Variants in C8orf88 observed in about 807,000 individuals in gnomAD.
C8orf88 encodes chromosome 8 open reading frame 88.
In C8orf88, 14 loss-of-function variants were observed where a neutral mutation model predicts 18.4. That is an observed-to-expected ratio of 0.76 (90% confidence interval 0.50 to 1.19). The LOEUF (loss-of-function observed/expected upper bound fraction) is 1.19. Ranked by LOEUF, C8orf88 falls within the 50% of genes most tolerant of loss-of-function variation. The pLI is 0.00. For synonymous variants in C8orf88, 45 were observed against 42.9 expected, an observed-to-expected ratio of 1.05 and a Z score of -0.19; for missense variants, 116 against 134.7, an observed-to-expected ratio of 0.86 and a Z score of 0.69.
At chr8:90,984,832 G>A (rs1279321885) in intron 1 of C8orf88, among the ~76,000 whole-genome samples, 1 of 152,024 alleles carries the variant, frequency 6.6e-6, no homozygotes, top group African/African-American at 2.4e-5. Context: ...CTCCTTTTTT[G>A]GCGATGGCTT....
Position 90,980,358 on chromosome 8 carries a change from C to T in C8orf88, c.73+5G>A, listed in dbSNP as rs775601812. ...ATTTAAAGAACTGTACAATCTATTACTCACCTGGGGGAGAAGTCAGATGAC... is the reference window on the plus strand; with the variant it reads ...ATTTAAAGAACTGTACAATCTATTATTCACCTGGGGGAGAAGTCAGATGAC... On this transcript the variant is annotated splice_donor_5th_base_variant and intron_variant, in intron 2 of 5. Transcript: ENST00000517562. The T allele has an allele frequency of 2.9e-5, 44 of 1,517,774 alleles. No individual in the cohort carries two copies. Among genetic ancestry groups the T allele is most frequent in the Non-Finnish European group, 3.7e-5 (42 of 1,138,458 alleles). 94.0% of individuals were successfully genotyped at this position (1,517,774 alleles called of 1,614,324 possible).
intron 3 of C8orf88, among the ~76,000 whole-genome samples, chr8:90,976,244 T>C (rs1377537458): frequency 6.6e-6 from 1 of 152,076 alleles, no homozygotes; most frequent in African/African-American, 2.4e-5. Flanking sequence ...TCAAAAGTCA[T>C]TGAACAAATG....
In C8orf88 at chr8:90,980,588, A is replaced by G. The variant is rs1478100693; in HGVS notation, c.-26-127T>C. 3.7e-5 allele frequency: 19 copies of G among 510,236 alleles called. No homozygotes were observed. The South Asian group carries it at 5.2e-4, about 14-fold the overall frequency. The allele number at this position is 510,236 out of a possible 1,614,324, so 31.6% of individuals were successfully genotyped here. On this transcript the variant is annotated intron_variant, in intron 1 of 5. Transcript: ENST00000517562. ...AAGTTAAAGTGGAAAACACAAACAC[A>G]AAAAAGCATTTAATATGCAATACTC...
intron 1 of C8orf88, among the ~76,000 whole-genome samples, chr8:90,983,965 A>G (rs1356181402): frequency 6.6e-6 from 1 of 152,224 alleles, no homozygotes; most frequent in Non-Finnish European, 1.5e-5. Flanking sequence ...GTATATGCTA[A>G]TAATATCCAT....
At chr8:90,970,840 G>T (rs1023673595) in intron 4 of C8orf88, among the ~76,000 whole-genome samples, 1 of 152,006 alleles carries the variant, frequency 6.6e-6, no homozygotes, top group African/African-American at 2.4e-5. Context: ...AATTTTATGT[G>T]ATATAGAAAA....
chr8:90,972,762 T>G lies in C8orf88; in HGVS notation c.148-1621A>C, dbSNP rs79172530. ...CAAAAGTACACAGATAAGAAACAGC[T>G]GAGCTAGGTTTTGAAACTCAAGGCT... is the stretch of plus-strand genomic sequence containing the variant. On this transcript the variant is annotated intron_variant, in intron 3 of 5. Coordinates refer to ENST00000517562, the MANE Select transcript of C8orf88 (RefSeq NM_001190972.2). 9.1e-3 allele frequency among the ~76,000 whole-genome samples: 1,378 copies of G among 152,212 alleles called. 21 individuals are homozygous for G. Among genetic ancestry groups the G allele is most frequent in the African/African-American group, 0.031 (1,291 of 41,554 alleles).
At chr8:90,969,182 A>T (rs182621127) in intron 4 of C8orf88, among the ~76,000 whole-genome samples, 109 of 152,036 alleles carry the variant, frequency 7.2e-4, no homozygotes, top group African/African-American at 2.5e-3. Flanking sequence ...CCACAGCAAT[A>T]TTATTCACAA....
intron 3 of C8orf88, among the ~76,000 whole-genome samples, chr8:90,978,213 T>C (rs965125884): frequency 6.6e-6 from 1 of 152,244 alleles, no homozygotes; most frequent in South Asian, 2.1e-4. Flanking sequence ...AAATCCTATT[T>C]ACATAAAACA....
intron 3 of C8orf88, among the ~76,000 whole-genome samples, chr8:90,975,556 C>G (rs1191141663): frequency 6.6e-6 from 1 of 151,984 alleles, no homozygotes; most frequent in Non-Finnish European, 1.5e-5. Context: ...CCAAATCTCA[C>G]TAAACATTAG....
intron 4 of C8orf88, among the ~76,000 whole-genome samples, chr8:90,962,625 C>A (rs541850544): frequency 6.8e-6 from 1 of 146,812 alleles, no homozygotes; most frequent in Non-Finnish European, 1.5e-5. Flanking sequence ...GACAACAGCC[C>A]TCATTACTTT....
chr8:90,960,953 A>G (rs1811118939), intron 4 of C8orf88, 105 bp from the exon 5 acceptor site: 3 of 560,938 alleles, frequency 5.3e-6, no homozygotes, highest in South Asian at 5.5e-5. Flanking sequence ...ATATAAAATG[A>G]TGAGTCGTGT....
At chr8:90,976,831 T>C (rs968090803) in intron 3 of C8orf88, among the ~76,000 whole-genome samples, 1 of 152,134 alleles carries the variant, frequency 6.6e-6, no homozygotes, top group African/African-American at 2.4e-5. Context: ...CACCTAAATA[T>C]GAAAGCAAAT....
At chr8:90,968,573 A>C (rs1447057036) in intron 4 of C8orf88, among the ~76,000 whole-genome samples, 3 of 149,048 alleles carry the variant, frequency 2.0e-5, no homozygotes, top group Non-Finnish European at 4.5e-5. Context: ...AAAATAGTTA[A>C]AATTCATCGA....
chr8:90,977,983 G>A (rs1563555359), intron 3 of C8orf88, among the ~76,000 whole-genome samples: 1 of 151,960 alleles, frequency 6.6e-6, no homozygotes, highest in Non-Finnish European at 1.5e-5. Context: ...GACAGAGAGA[G>A]AAAGAAATAG....
At chr8:90,962,641 G>A (rs183452300) in intron 4 of C8orf88, among the ~76,000 whole-genome samples, 198 of 151,666 alleles carry the variant, frequency 1.3e-3, no homozygotes, top group Non-Finnish European at 2.3e-3. Flanking sequence ...ACTTTTATAG[G>A]TTCCCAGAAC....
At chr8:90,961,492 A>G (rs1811126307) in intron 4 of C8orf88, among the ~76,000 whole-genome samples, 1 of 138,652 alleles carries the variant, frequency 7.2e-6, no homozygotes. Flanking sequence ...CCAGAATTTC[A>G]TGTCCAGTGG....
chr8:90,979,330 G>T (rs945486110), intron 2 of C8orf88, among the ~76,000 whole-genome samples: 1 of 152,174 alleles, frequency 6.6e-6, no homozygotes, highest in Non-Finnish European at 1.5e-5. Context: ...TCACAGAAAA[G>T]AGCTGCTGCA....
chr8:90,965,227 G>A (rs1367305771), intron 4 of C8orf88, among the ~76,000 whole-genome samples: 1 of 151,642 alleles, frequency 6.6e-6, no homozygotes. Flanking sequence ...GCTGAAGTGA[G>A]TATACTAACA....
At chr8:90,962,373 G>A (rs986929771) in intron 4 of C8orf88, among the ~76,000 whole-genome samples, 1 of 151,536 alleles carries the variant, frequency 6.6e-6, no homozygotes, top group Non-Finnish European at 1.5e-5. Context: ...AAGAAATGGA[G>A]GTAAGTGAAG....
Sources: gnomAD v4.1 joint callset for allele counts (sites outside exome capture counted in the v4.1 genomes callset) on GRCh38, gnomAD v4.1.1 for gene constraint, MANE v1.5 for transcripts, NCBI Gene and HGNC (gene_info 2026-07-23, HGNC 2026-07-21) for gene names.